The following FRMPD4 variants were observed in gnomAD, a reference collection of about 807,000 sequenced individuals.
FRMPD4 encodes FERM and PDZ domain-containing protein 4.
Under a neutral mutation model 94.1 loss-of-function variants are expected in FRMPD4, and 22 were observed. The observed-to-expected ratio is 0.23, with a 90% confidence interval of 0.17 to 0.33. FRMPD4 has a LOEUF of 0.33. Among genes scored for constraint, FRMPD4 ranks in the 10% least tolerant of loss-of-function variants. The probability of loss-of-function intolerance (pLI) is 1.00; values close to 1 mark genes in which losing one functional copy is unlikely to be tolerated. For synonymous variants in FRMPD4, 631 were observed against 548.6 expected (o/e 1.15, Z -2.10); for missense variants, 1,111 against 1,339.9 (o/e 0.83, Z 2.67).
chrX:12,387,975 C>T (rs1324334060), intron 1 of FRMPD4, among the ~76,000 whole-genome samples: 10 of 80,931 alleles, frequency 1.2e-4, no homozygotes, highest in African/African-American at 4.2e-4. Context: ...GGGAATCAAT[C>T]TTAAAAAAAA....
At chrX:12,680,285 T>C (rs1264336868) in intron 5 of FRMPD4, among the ~76,000 whole-genome samples, 1 of 112,265 alleles carries the variant, frequency 8.9e-6, no homozygotes, top group Non-Finnish European at 1.9e-5. Flanking sequence ...TAAATGATAA[T>C]TACTTGTTAT....
At chrX:12,093,134 T>C (rs1373478664) in intron 3 of FRMPD4, among the ~76,000 whole-genome samples, 1 of 110,542 alleles carries the variant, frequency 9.0e-6, no homozygotes, top group Admixed American at 9.6e-5. Flanking sequence ...ATTAAAGAGG[T>C]AAGTGGGGAA....
intron 3 of FRMPD4, among the ~76,000 whole-genome samples, chrX:11,896,155 C>T (rs2053902277): frequency 9.0e-6 from 1 of 111,668 alleles, no homozygotes; most frequent in Non-Finnish European, 1.9e-5. Flanking sequence ...TCAGATAATT[C>T]AATTAGCTTT....
intron 3 of FRMPD4, among the ~76,000 whole-genome samples, chrX:12,107,956 C>G (rs1355305271): frequency 1.8e-5 from 2 of 111,778 alleles, no homozygotes; most frequent in Non-Finnish European, 3.8e-5. Context: ...ATTGGTGTAC[C>G]TGAAAGTGAC....
At chrX:12,581,711 G>A (rs778414121) in intron 2 of FRMPD4, among the ~76,000 whole-genome samples, 3 of 111,081 alleles carry the variant, frequency 2.7e-5, no homozygotes, top group South Asian at 3.9e-4. Flanking sequence ...TCCTCCTCCC[G>A]CCCACTGCCT....
At chrX:11,853,046 C>G (rs2053634238) in intron 1 of FRMPD4, among the ~76,000 whole-genome samples, 1 of 112,214 alleles carries the variant, frequency 8.9e-6, no homozygotes, top group Admixed American at 9.4e-5. Flanking sequence ...GAAATCATAA[C>G]AGTCTCTCAG....
Position 12,431,694 on chromosome X carries a change from T to G in FRMPD4, c.42-66986T>G, listed in dbSNP as rs187138486. Reference sequence around the variant, plus strand: ...GTGTTTTAGGGTGTTTAAGAATTACTATATAAGATTATTAGACACAAAATC... The same window carrying G: ...GTGTTTTAGGGTGTTTAAGAATTACGATATAAGATTATTAGACACAAAATC... On this transcript the variant is annotated intron_variant, in intron 1 of 16. Transcript: ENST00000675598. Among the ~76,000 whole-genome samples, 8 of 112,239 alleles carry G rather than the reference T, an allele frequency of 7.1e-5. No homozygotes were observed. The East Asian group carries it at 2.2e-3, about 31-fold the overall frequency.
At chrX:12,143,363 A>G (rs749464106) in intron 1 of FRMPD4, among the ~76,000 whole-genome samples, 1 of 112,747 alleles carries the variant, frequency 8.9e-6, no homozygotes, top group African/African-American at 3.2e-5. Flanking sequence ...AATAATATGA[A>G]ATTAAAATTT....
intron 3 of FRMPD4, among the ~76,000 whole-genome samples, chrX:11,958,741 C>A (rs1031144266): frequency 2.8e-4 from 31 of 111,867 alleles, no homozygotes; most frequent in African/African-American, 9.7e-4. Context: ...GTGATAGAAC[C>A]CATTATCTTC....
intron 3 of FRMPD4, among the ~76,000 whole-genome samples, chrX:11,960,248 T>G: frequency 8.9e-6 from 1 of 112,110 alleles, no homozygotes; most frequent in South Asian, 3.7e-4. Flanking sequence ...CCAGCTTGTG[T>G]GTATGTGTGT....
At chrX:12,141,689 GTGTGTCATGGT>G (rs768301078) in intron 1 of FRMPD4, among the ~76,000 whole-genome samples, 39 of 111,314 alleles carry the variant, frequency 3.5e-4, no homozygotes, top group Non-Finnish European at 6.0e-4. Context: ...GGGTGGCACA[GTGTGTCATGGT>G]TCTATCTGAA....
intron 4 of FRMPD4, among the ~76,000 whole-genome samples, chrX:12,640,277 C>A (rs993362743): frequency 2.7e-5 from 2 of 74,923 alleles, no homozygotes; most frequent in East Asian, 7.5e-4. Context: ...CCAGCCTGGA[C>A]GACAAAGTGA....
chrX:11,980,969 G>A (rs1862331900), intron 3 of FRMPD4, among the ~76,000 whole-genome samples: 1 of 111,306 alleles, frequency 9.0e-6, no homozygotes, highest in Non-Finnish European at 1.9e-5. Context: ...TGTAAAGCTT[G>A]GTTAGAAATC....
intron 2 of FRMPD4, among the ~76,000 whole-genome samples, chrX:12,605,589 G>C (rs1365658136): frequency 9.0e-6 from 1 of 111,108 alleles, no homozygotes; most frequent in Non-Finnish European, 1.9e-5. Flanking sequence ...TGTGTGATCT[G>C]TGTCCCTCCT....
intron 3 of FRMPD4, among the ~76,000 whole-genome samples, chrX:12,116,749 T>G (rs1191981553): frequency 8.9e-6 from 1 of 111,994 alleles, no homozygotes; most frequent in Non-Finnish European, 1.9e-5. Flanking sequence ...CCCTCACTGA[T>G]GCCATGAGCA....
At chrX:11,950,879 G>A (rs999267371) in intron 3 of FRMPD4, among the ~76,000 whole-genome samples, 11 of 109,962 alleles carry the variant, frequency 1.0e-4, no homozygotes, top group Non-Finnish European at 1.7e-4. Flanking sequence ...CCAACATGGT[G>A]AAACCCTGTC....
intron 3 of FRMPD4, among the ~76,000 whole-genome samples, chrX:12,109,328 G>A (rs2055332689): frequency 8.9e-6 from 1 of 112,013 alleles, no homozygotes; most frequent in East Asian, 2.8e-4. Flanking sequence ...TGACTACTGG[G>A]TACATAACAA....
At chrX:12,554,355 G>A (rs887080267) in intron 2 of FRMPD4, among the ~76,000 whole-genome samples, 4 of 111,705 alleles carry the variant, frequency 3.6e-5, no homozygotes, top group Non-Finnish European at 7.5e-5. Flanking sequence ...AAATGCAGAT[G>A]ATGGTGGTTC....
chrX:12,133,604 C>T (rs1269260980), upstream of FRMPD4, among the ~76,000 whole-genome samples: 1 of 111,290 alleles, frequency 9.0e-6, no homozygotes, highest in Non-Finnish European at 1.9e-5. Context: ...TAGGGTATTT[C>T]GTAAATAATA....
Sources: gnomAD v4.1 joint callset for allele counts (sites outside exome capture counted in the v4.1 genomes callset) on GRCh38, gnomAD v4.1.1 for gene constraint, MANE v1.5 for transcripts, NCBI Gene and HGNC (gene_info 2026-07-23, HGNC 2026-07-21) for gene names.